The following WDR1 variants were observed in gnomAD, a reference collection of about 807,000 sequenced individuals.
WDR1 encodes WD repeat-containing protein 1.
Under a neutral mutation model 71.9 loss-of-function variants are expected in WDR1, and 21 were observed. That is an observed-to-expected ratio of 0.29 (90% CI 0.21 to 0.42). The LOEUF is 0.42. Among genes scored for constraint, WDR1 ranks in the 10% least tolerant of loss-of-function variants. The pLI is 1.00. For missense variants in WDR1, 696 were observed against 824.5 expected (o/e 0.84, Z 1.91); for synonymous variants, 424 against 347.4 (o/e 1.22, Z -2.45).
intron 4 of WDR1, among the ~76,000 whole-genome samples, chr4:10,098,767 G>C (rs1712511365): frequency 1.3e-5 from 2 of 152,236 alleles, no homozygotes; most frequent in South Asian, 4.1e-4. Flanking sequence ...GGACGTCAGA[G>C]GAGATACATG....
At chr4:10,113,030 C>T (rs1713483310) in intron 2 of WDR1, among the ~76,000 whole-genome samples, 2 of 152,160 alleles carry the variant, frequency 1.3e-5, no homozygotes, top group Admixed American at 1.3e-4. Context: ...CCGGGGACAC[C>T]CCTCTACTAA....
intron 4 of WDR1, among the ~76,000 whole-genome samples, chr4:10,098,306 A>T (rs1712480193): frequency 6.6e-6 from 1 of 152,244 alleles, no homozygotes; most frequent in African/African-American, 2.4e-5. Context: ...TGCTACTGAA[A>T]AAAGAAGGAA....
At chr4:10,115,290 G>A (rs1013287641) in intron 2 of WDR1, among the ~76,000 whole-genome samples, 1 of 152,170 alleles carries the variant, frequency 6.6e-6, no homozygotes. Context: ...TGACAGACTG[G>A]GTCACCCCAA....
intron 10 of WDR1, among the ~76,000 whole-genome samples, chr4:10,082,579 C>G (rs1765061623): frequency 1.3e-5 from 2 of 152,202 alleles, no homozygotes; most frequent in African/African-American, 4.8e-5. Flanking sequence ...TGTCTTTTAA[C>G]CAGATCACTG....
At chr4:10,099,260 T>G in intron 3 of WDR1, 121 bp from the exon 4 acceptor site, 1 of 796,828 alleles carries the variant, frequency 1.3e-6, no homozygotes, top group South Asian at 1.7e-5. Context: ...GAACCATGTC[T>G]GGTTGCTTAG....
At chr4:10,082,081 C>A (rs1333141250) in intron 10 of WDR1, among the ~76,000 whole-genome samples, 1 of 152,192 alleles carries the variant, frequency 6.6e-6, no homozygotes, top group Non-Finnish European at 1.5e-5. Context: ...CAGGGAAGAC[C>A]CTTTTATGGG....
intron 2 of WDR1, among the ~76,000 whole-genome samples, chr4:10,114,601 C>G (rs544789468): frequency 6.6e-6 from 1 of 152,318 alleles, no homozygotes; most frequent in African/African-American, 2.4e-5. Context: ...TATCCGAGGA[C>G]GTGTTAGTGG....
At chr4:10,115,508 C>G (rs1009549722) in intron 2 of WDR1, among the ~76,000 whole-genome samples, 12 of 152,286 alleles carry the variant, frequency 7.9e-5, no homozygotes, top group African/African-American at 2.4e-4. Flanking sequence ...TACTGGAAGA[C>G]CAGGGTATTA....
Position 10,075,121 on chromosome 4 carries a change from G to A in WDR1, c.*257C>T. 2.1e-6 allele frequency: 1 copy of A among 484,734 alleles called. No homozygotes were observed. Among genetic ancestry groups the A allele is most frequent in the Non-Finnish European group, 3.6e-6 (1 of 274,772 alleles). The allele number at this position is 484,734 out of a possible 1,614,324, so 30.0% of individuals were successfully genotyped here. ...TTTCGCATTCTCAAGGTTTGGTTGG[G>A]CTGTGGGTTTTAGTTATGCTCCACA... On this transcript the variant is annotated 3_prime_UTR_variant, in exon 15 of 15. Transcript: ENST00000499869.
intron 2 of WDR1, among the ~76,000 whole-genome samples, chr4:10,113,441 T>C (rs4604059): frequency 0.48 from 73,573 of 152,026 alleles, 18,146 homozygotes; most frequent in East Asian, 0.64. Flanking sequence ...AGGCAATAAC[T>C]AGCAGGTACC....
At chr4:10,094,053 G>A in intron 5 of WDR1, among the ~76,000 whole-genome samples, 1 of 152,196 alleles carries the variant, frequency 6.6e-6, no homozygotes, top group Non-Finnish European at 1.5e-5. Context: ...CAGAGGCAAT[G>A]GAACAGAGGG....
At chr4:10,089,262 C>T (rs541696431) in intron 5 of WDR1, among the ~76,000 whole-genome samples, 1 of 152,214 alleles carries the variant, frequency 6.6e-6, no homozygotes, top group African/African-American at 2.4e-5. Flanking sequence ...GTGCCCGCCA[C>T]CACGCCTGGC....
intron 5 of WDR1, chr4:10,096,210 G>C (rs1395195795): frequency 6.6e-6 from 1 of 152,226 alleles, no homozygotes; most frequent in Non-Finnish European, 1.5e-5. Flanking sequence ...ATCCCTCCCA[G>C]GGCAGGCCAA....
chr4:10,088,559 A>T (rs759305074), intron 6 of WDR1, 105 bp downstream of exon 6: 10 of 1,182,520 alleles, frequency 8.5e-6, no homozygotes. Context: ...GGCGATGTCT[A>T]AGTTCTGCAT....
At chr4:10,113,656 G>T (rs1474088464) in intron 2 of WDR1, among the ~76,000 whole-genome samples, 1 of 152,220 alleles carries the variant, frequency 6.6e-6, no homozygotes, top group African/African-American at 2.4e-5. Flanking sequence ...CGGGAGTCTG[G>T]GGGCAATAAG....
chr4:10,075,557 TG>T lies in WDR1; in HGVS notation c.1715-74del, dbSNP rs543957165. 100 of 1,369,390 alleles carry T rather than the reference TG, an allele frequency of 7.3e-5. No homozygotes were observed. The African/African-American group carries it at 1.0e-3, about 14-fold the overall frequency. The allele number at this position is 1,369,390 out of a possible 1,614,324, so 84.8% of individuals were successfully genotyped here. ...CTATGTACATCTTGGACTAGGAAGA[TG>T]GAACAACCTGTGCCTAAATCATCTC... On this transcript the variant is annotated intron_variant, in intron 14 of 14. Transcript: ENST00000499869.
At chr4:10,084,293 C>T (rs899984011) in intron 9 of WDR1, 150 bp downstream of exon 9, 2 of 668,012 alleles carry the variant, frequency 3.0e-6, no homozygotes, top group Admixed American at 2.3e-5. Flanking sequence ...TACAGACAGG[C>T]CACCCCTAGA....
intron 2 of WDR1, chr4:10,115,896 A>G (rs1162129041): frequency 1.7e-6 from 1 of 600,384 alleles, no homozygotes; most frequent in Non-Finnish European, 2.9e-6. Flanking sequence ...GAAACGAACT[A>G]AGACTCAGTT....
intron 3 of WDR1, 45 bp from the exon 4 acceptor site, chr4:10,099,184 G>GGGGGGT: frequency 4.4e-6 from 2 of 450,124 alleles, no homozygotes; most frequent in Non-Finnish European, 4.0e-6. Context: ...CGGTGGTGGG[G>GGGGGGT]TAAAGGGCAG....
Sources: gnomAD v4.1 joint callset for allele counts (sites outside exome capture counted in the v4.1 genomes callset) on GRCh38, gnomAD v4.1.1 for gene constraint, MANE v1.5 for transcripts, NCBI Gene and HGNC (gene_info 2026-07-23, HGNC 2026-07-21) for gene names.